Variants in GJA5 observed in about 807,000 individuals in gnomAD.
The protein encoded by GJA5 is gap junction alpha-5 protein.
A neutral mutation model predicts 7.9 loss-of-function variants in GJA5; 3 were observed. The observed-to-expected ratio is 0.38, with a 90% CI of 0.17 to 0.99. The LOEUF (loss-of-function observed/expected upper bound fraction) is 0.99, where lower values mean the gene tolerates loss of function less well. Ranked by LOEUF, GJA5 falls within the 50% of genes least tolerant of loss-of-function variation. The pLI is 0.38. For missense variants in GJA5, 390 were observed against 457.9 expected (o/e 0.85, Z 1.35); for synonymous variants, 193 against 181.0 (o/e 1.07, Z -0.53).
upstream of GJA5, among the ~76,000 whole-genome samples, chr1:147,762,714 A>C (rs1170894286): frequency 5.3e-5 from 8 of 152,162 alleles, no homozygotes; most frequent in African/African-American, 1.9e-4. Context: ...GCTACCATGT[A>C]CCAGATGCTC....
upstream of GJA5, among the ~76,000 whole-genome samples, chr1:147,763,520 A>C (rs782001703): frequency 6.6e-6 from 1 of 152,156 alleles, no homozygotes. Flanking sequence ...GCAAGGCAAA[A>C]AGAGATGGTC....
Position 147,757,120 on chromosome 1 carries a change from T to G in GJA5, c.*1042A>C, listed in dbSNP as rs1663769171. The G allele has an allele frequency of 6.6e-6, 1 of 152,234 alleles. No homozygotes were observed. Among genetic ancestry groups the G allele is most frequent in the Non-Finnish European group, 1.5e-5 (1 of 68,054 alleles). 9.4% of individuals were successfully genotyped at this position (152,234 alleles called of 1,614,324 possible). On this transcript the variant is annotated 3_prime_UTR_variant, in exon 2 of 2. Transcript: ENST00000579774. The stretch of plus-strand genomic sequence containing the variant: ...CCAGTGTTTTCTCTCCATTTTTATT[T>G]TCATCTTCACAGCAGAATTTTTTTT...
chr1:147,760,813 G>C (rs1663973911), upstream of GJA5, among the ~76,000 whole-genome samples: 1 of 152,162 alleles, frequency 6.6e-6, no homozygotes, highest in South Asian at 2.1e-4. Context: ...CTAAAGTAGA[G>C]GGAATGCTCC....
intron 1 of GJA5, among the ~76,000 whole-genome samples, chr1:147,769,653 G>A (rs1664327970): frequency 6.6e-6 from 1 of 152,114 alleles, no homozygotes; most frequent in Non-Finnish European, 1.5e-5. Flanking sequence ...ACACAGCAAG[G>A]ACCCTCATGT....
At chr1:147,771,621 G>C (rs976943625) in intron 1 of GJA5, among the ~76,000 whole-genome samples, 1 of 152,196 alleles carries the variant, frequency 6.6e-6, no homozygotes, top group Non-Finnish European at 1.5e-5. Flanking sequence ...CACCTCTGGG[G>C]TTCCAAGGCA....
At position 147,758,500 on chromosome 1, in the gene GJA5, T is replaced by G. The variant is rs782261343; in HGVS notation, c.739A>C (p.Lys247Gln). 3.7e-6 allele frequency: 6 copies of G among 1,614,202 alleles called. No individual in the cohort carries two copies. Among genetic ancestry groups the G allele is most frequent in the Non-Finnish European group, 5.1e-6 (6 of 1,180,014 alleles). Residue 247 changes from lysine to glutamine, a missense_variant, in exon 2 of 2, where the codon AAG becomes CAG. Physicochemically the swap from Lys to Gln is moderately conservative, Grantham distance 53. Coordinates refer to ENST00000579774, the MANE Select transcript of GJA5 (RefSeq NM_181703.4). ...RFVKPRQHMA[K>Q]CQLSGPSVGI... ...ACAGAGGGGCCAGAAAGCTGGCACT[T>G]AGCCATGTGCTGCCGCGGTTTGACA...
chr1:147,772,446 C>T (rs1664444035), intron 1 of GJA5, among the ~76,000 whole-genome samples: 1 of 152,168 alleles, frequency 6.6e-6, no homozygotes, highest in Non-Finnish European at 1.5e-5. Flanking sequence ...TCAAATTCCC[C>T]ATTTTATAGA....
At chr1:147,764,341 C>T (rs1292098390), upstream of GJA5, among the ~76,000 whole-genome samples, 2 of 152,316 alleles carry the variant, frequency 1.3e-5, no homozygotes, top group African/African-American at 4.8e-5. Context: ...TACCATCCAG[C>T]ATGGAGGATA....
intron 1 of GJA5, among the ~76,000 whole-genome samples, chr1:147,759,940 C>T (rs147019165): frequency 1.1e-4 from 17 of 152,070 alleles, no homozygotes; most frequent in African/African-American, 4.1e-4. Context: ...ATGGGATTGG[C>T]AAATTTGGCC....
intron 1 of GJA5, among the ~76,000 whole-genome samples, chr1:147,766,420 GGCCAA>G (rs1341803878): frequency 6.6e-6 from 1 of 152,162 alleles, no homozygotes; most frequent in Non-Finnish European, 1.5e-5. Flanking sequence ...TGCACACAGA[GGCCAA>G]GCAACACGTT....
chr1:147,758,107 TC>T lies in GJA5; in HGVS notation c.*54del. The stretch of plus-strand genomic sequence containing the variant: ...CATCAGTTCAGAAGGGACACGTCTT[TC>T]CTCTCTGAGCCTCCTTTGTTCCCAC... On this transcript the variant is annotated 3_prime_UTR_variant, in exon 2 of 2. Transcript: ENST00000579774. The T allele has an allele frequency of 8.3e-7, 1 of 1,207,442 alleles. No individual in the cohort carries two copies. The highest frequency in any genetic ancestry group is 1.2e-6 in the Non-Finnish European group (1 of 809,138). 74.8% of individuals were successfully genotyped at this position (1,207,442 alleles called of 1,614,324 possible).
Position 147,757,293 on chromosome 1 carries a change from G to A in GJA5, c.*869C>T, listed in dbSNP as rs1318215610. 6.6e-6 allele frequency: 1 copy of A among 152,280 alleles called. No homozygotes were observed. The highest frequency in any genetic ancestry group is 1.5e-5 in the Non-Finnish European group (1 of 68,116). The allele number at this position is 152,280 out of a possible 1,614,324, so 9.4% of individuals were successfully genotyped here. A position where few individuals can be genotyped will look rare whatever the true frequency, so the allele number is the denominator to read the frequency against. On this transcript the variant is annotated 3_prime_UTR_variant, in exon 2 of 2. Coordinates refer to ENST00000579774, the MANE Select transcript of GJA5 (RefSeq NM_181703.4). ...TATTCCTGTTGGTAAGGCCTTCAGG[G>A]AATGGCTGGGTGAACAGCCAAGGGA... is the stretch of plus-strand genomic sequence containing the variant.
intron 1 of GJA5, among the ~76,000 whole-genome samples, chr1:147,772,566 C>T (rs1415043249): frequency 6.6e-6 from 1 of 152,162 alleles, no homozygotes; most frequent in East Asian, 1.9e-4. Context: ...AAGAAACTAA[C>T]AGAATCTTTC....
rs782647757 is a variant in GJA5, at chr1:147,758,976, G to A, written c.263C>T (p.Pro88Leu). Residue 88 changes from proline to leucine, a missense_variant, in exon 2 of 2, where the codon CCC (proline) becomes CTC (leucine). Pro to Leu is a moderately conservative substitution (Grantham distance 98, BLOSUM62 -3). Transcript: ENST00000579774. ...WVLQIIFVST[P>L]SLVYMGHAMH... ...GGCGTGGCCCATGTACACCAGAGAG[G>A]GCGTGGAGACGAAGATGATCTGCAG... The A allele has an allele frequency of 5.0e-6, 8 of 1,614,214 alleles. No homozygotes were observed. The South Asian group carries it at 8.8e-5, about 18-fold the overall frequency.
At chr1:147,765,212 G>T (rs911231004), upstream of GJA5, among the ~76,000 whole-genome samples, 2 of 152,228 alleles carry the variant, frequency 1.3e-5, no homozygotes, top group East Asian at 3.8e-4. Context: ...AATACCTTCA[G>T]AATGTTATAG....
chr1:147,770,153 G>A (rs587667308), intron 1 of GJA5, among the ~76,000 whole-genome samples: 19 of 152,208 alleles, frequency 1.2e-4, no homozygotes, highest in African/African-American at 4.6e-4. Context: ...AGTAAGATTC[G>A]GGAAATCCCC....
chr1:147,770,528 T>C (rs1305368170), intron 1 of GJA5, among the ~76,000 whole-genome samples: 1 of 152,164 alleles, frequency 6.6e-6, no homozygotes, highest in Non-Finnish European at 1.5e-5. Flanking sequence ...ATTTAAAATA[T>C]TTAATCCTCA....
intron 1 of GJA5, among the ~76,000 whole-genome samples, chr1:147,769,837 C>T (rs1415497588): frequency 6.6e-6 from 1 of 152,050 alleles, no homozygotes; most frequent in Non-Finnish European, 1.5e-5. Flanking sequence ...ATTCCTGTTT[C>T]AAGTCCAGCA....
Position 147,771,179 on chromosome 1 carries a change from G to T in GJA5, c.-34+2073C>A, listed in dbSNP as rs188031795. Among the ~76,000 whole-genome samples, 57 of 152,320 alleles carry T rather than the reference G, an allele frequency of 3.7e-4. No individual in the cohort carries two copies. The East Asian group carries it at 0.01, about 28-fold the overall frequency. On this transcript the variant is annotated intron_variant, in intron 1 of 1. Transcript: ENST00000430508. ...AGTACCTGAGAGACCAGGCGGCACT[G>T]TGGCAGTGCCCTCCACTGCCTGTGC...
Sources: gnomAD v4.1 joint callset for allele counts (sites outside exome capture counted in the v4.1 genomes callset) on GRCh38, gnomAD v4.1.1 for gene constraint, MANE v1.5 for transcripts, NCBI Gene and HGNC (gene_info 2026-07-23, HGNC 2026-07-21) for gene names.